Variants in THSD7B observed in about 807,000 individuals in gnomAD.
The protein encoded by THSD7B is thrombospondin type 1 domain containing 7B.
Under a neutral mutation model 213.6 loss-of-function variants are expected in THSD7B, and 138 were observed. The ratio of observed to expected loss-of-function variants is 0.65; its 90% confidence interval spans 0.56 to 0.74. The LOEUF (loss-of-function observed/expected upper bound fraction) is 0.74, where lower values mean the gene tolerates loss of function less well. Among genes scored for constraint, THSD7B ranks in the 30% least tolerant of loss-of-function variants. The pLI is 0.00. For synonymous variants in THSD7B, 742 were observed against 687.0 expected, an observed-to-expected ratio of 1.08 and a Z score of -1.25; for missense variants, 1,931 against 1,991.5, an observed-to-expected ratio of 0.97 and a Z score of 0.58.
At chr2:137,060,507 C>T (rs1423770491) in intron 3 of THSD7B, among the ~76,000 whole-genome samples, 1 of 151,226 alleles carries the variant, frequency 6.6e-6, no homozygotes, top group Non-Finnish European at 1.5e-5. Flanking sequence ...ATATTTAGGT[C>T]TATCATTCAT....
chr2:137,339,409 A>T (rs1019209820), intron 12 of THSD7B, among the ~76,000 whole-genome samples: 1 of 152,032 alleles, frequency 6.6e-6, no homozygotes, highest in Non-Finnish European at 1.5e-5. Flanking sequence ...CTTTCTGGCC[A>T]TTCTTGGGGA....
intron 15 of THSD7B, among the ~76,000 whole-genome samples, chr2:137,456,502 G>A (rs1328197008): frequency 1.3e-5 from 2 of 152,156 alleles, no homozygotes; most frequent in East Asian, 3.8e-4. Context: ...TTTTCAACCA[G>A]CCCGACTCTC....
At chr2:136,850,584 G>T (rs1215940574) in intron 1 of THSD7B, among the ~76,000 whole-genome samples, 5 of 151,298 alleles carry the variant, frequency 3.3e-5, no homozygotes, top group African/African-American at 1.2e-4. Flanking sequence ...CTTTTTTTCA[G>T]GCTGAAAGTG....
At chr2:137,627,513 C>A (rs781387744) in intron 20 of THSD7B, among the ~76,000 whole-genome samples, 34 of 152,132 alleles carry the variant, frequency 2.2e-4, no homozygotes, top group Non-Finnish European at 2.4e-4. Context: ...GGACCACTGG[C>A]AATAAGTTAT....
intron 14 of THSD7B, among the ~76,000 whole-genome samples, chr2:137,448,800 A>AAACAACAACAACAAC (rs147631065): frequency 4.3e-4 from 62 of 144,994 alleles, no homozygotes; most frequent in African/African-American, 1.6e-3. Context: ...CTCCATCTCA[A>AAACAACAACAACAAC]AACAACAACA....
intron 1 of THSD7B, among the ~76,000 whole-genome samples, chr2:136,877,835 A>C (rs372412910): frequency 6.6e-6 from 1 of 152,050 alleles, no homozygotes; most frequent in Admixed American, 6.6e-5. Context: ...CCTGGGGGGA[A>C]AAAAAAGAAG....
At chr2:136,822,841 C>T (rs1230291428) in intron 1 of THSD7B, among the ~76,000 whole-genome samples, 1 of 152,032 alleles carries the variant, frequency 6.6e-6, no homozygotes, top group East Asian at 1.9e-4. Context: ...TTAAAAACTC[C>T]CCAGGATAAT....
chr2:137,372,814 A>G (rs986524354), intron 12 of THSD7B, among the ~76,000 whole-genome samples: 3 of 151,480 alleles, frequency 2.0e-5, no homozygotes, highest in Admixed American at 1.3e-4. Flanking sequence ...GTCATTTAGC[A>G]TTAGGTAAAT....
intron 2 of THSD7B, among the ~76,000 whole-genome samples, chr2:136,961,360 A>G (rs958944576): frequency 2.0e-5 from 3 of 151,240 alleles, no homozygotes; most frequent in Admixed American, 6.6e-5. Flanking sequence ...AGCTGGGACT[A>G]CAGGCACAAC....
At chr2:137,108,818 T>TG (rs1230549008) in intron 4 of THSD7B, among the ~76,000 whole-genome samples, 3 of 152,078 alleles carry the variant, frequency 2.0e-5, no homozygotes, top group African/African-American at 7.2e-5. Flanking sequence ...GTATCAGGCA[T>TG]GGGGGGATAA....
At chr2:136,820,568 A>G (rs1233442696) in intron 1 of THSD7B, among the ~76,000 whole-genome samples, 1 of 152,216 alleles carries the variant, frequency 6.6e-6, no homozygotes, top group Non-Finnish European at 1.5e-5. Flanking sequence ...AAGGCTGAGG[A>G]AGTTTCTGGA....
intron 12 of THSD7B, among the ~76,000 whole-genome samples, chr2:137,312,204 G>C (rs941914241): frequency 4.6e-5 from 7 of 152,152 alleles, no homozygotes; most frequent in African/African-American, 9.7e-5. Context: ...GCCCTATTCA[G>C]AGATTCAACT....
intron 4 of THSD7B, among the ~76,000 whole-genome samples, chr2:137,105,711 G>C (rs185253947): frequency 6.6e-6 from 1 of 152,246 alleles, no homozygotes; most frequent in East Asian, 1.9e-4. Flanking sequence ...GCAGTCTCAG[G>C]ATACAAAATC....
chr2:136,967,860 A>G (rs1205173457), intron 2 of THSD7B, among the ~76,000 whole-genome samples: 1 of 152,162 alleles, frequency 6.6e-6, no homozygotes, highest in Non-Finnish European at 1.5e-5. Context: ...CTTTATGTAA[A>G]TGAAATTATA....
chr2:136,943,553 T>G (rs1299937333), intron 2 of THSD7B, among the ~76,000 whole-genome samples: 3 of 152,204 alleles, frequency 2.0e-5, no homozygotes, highest in African/African-American at 7.2e-5. Context: ...TTGCCTCAAT[T>G]TCAAAGCCTG....
intron 2 of THSD7B, among the ~76,000 whole-genome samples, chr2:136,994,736 C>T (rs937175102): frequency 6.6e-6 from 1 of 152,162 alleles, no homozygotes; most frequent in East Asian, 1.9e-4. Flanking sequence ...CAAGTGTAAA[C>T]AACTTGTTCC....
At chr2:137,282,565 T>G (rs1278906349) in intron 12 of THSD7B, among the ~76,000 whole-genome samples, 1 of 152,214 alleles carries the variant, frequency 6.6e-6, no homozygotes, top group Non-Finnish European at 1.5e-5. Context: ...TTAATCAATC[T>G]TGAATTAATT....
chr2:137,551,474 G>A (rs1680846899), intron 15 of THSD7B, among the ~76,000 whole-genome samples: 1 of 152,070 alleles, frequency 6.6e-6, no homozygotes. Context: ...ACAAGGTTTA[G>A]GATGTGAAAT....
chr2:137,068,842 T>G (rs1485433126), intron 3 of THSD7B, among the ~76,000 whole-genome samples: 1 of 152,098 alleles, frequency 6.6e-6, no homozygotes, highest in Non-Finnish European at 1.5e-5. Flanking sequence ...TTATGTCATT[T>G]GGAACAGGAA....
Sources: allele counts gnomAD v4.1 joint callset (sites outside exome capture counted in the v4.1 genomes callset), GRCh38; gene constraint gnomAD v4.1.1; transcripts MANE v1.5; gene names NCBI Gene and HGNC (gene_info 2026-07-23, HGNC 2026-07-21).